PARD3: variants seen among roughly 807,000 people sequenced by gnomAD.
PARD3 encodes partitioning defective 3 homolog.
In PARD3, 75 loss-of-function variants were observed where a neutral mutation model predicts 155.4. The ratio of observed to expected loss-of-function variants is 0.48; its 90% CI spans 0.40 to 0.58. PARD3 has a LOEUF of 0.58. Among genes scored for constraint, PARD3 ranks in the 20% least tolerant of loss-of-function variants. PARD3 has a pLI of 0.00. For missense variants in PARD3, 1,642 were observed against 1,721.7 expected (o/e 0.95, Z 0.82); for synonymous variants, 576 against 610.5 (o/e 0.94, Z 0.83).
At chr10:34,243,298 T>C (rs1225397017) in intron 22 of PARD3, among the ~76,000 whole-genome samples, 2 of 152,324 alleles carry the variant, frequency 1.3e-5, no homozygotes, top group Admixed American at 6.5e-5. Context: ...AAACACTAGA[T>C]AGATGCAAAT....
intron 3 of PARD3, among the ~76,000 whole-genome samples, chr10:34,513,997 A>G (rs892743987): frequency 6.6e-5 from 10 of 152,178 alleles, no homozygotes; most frequent in Admixed American, 1.3e-4. Flanking sequence ...ATTTTCTACA[A>G]AAAAAAGCTC....
At chr10:34,531,973 C>T (rs764203624) in intron 2 of PARD3, among the ~76,000 whole-genome samples, 1 of 152,010 alleles carries the variant, frequency 6.6e-6, no homozygotes, top group Admixed American at 6.5e-5. Flanking sequence ...GCACAACACT[C>T]GAGCTCACTG....
intron 5 of PARD3, among the ~76,000 whole-genome samples, chr10:34,414,989 C>T (rs1304650557): frequency 2.0e-5 from 3 of 152,030 alleles, no homozygotes; most frequent in African/African-American, 7.2e-5. Flanking sequence ...GATTCATCTG[C>T]AGTAACCAGA....
At chr10:34,714,062 G>A (rs1285798824) in intron 1 of PARD3, among the ~76,000 whole-genome samples, 3 of 152,116 alleles carry the variant, frequency 2.0e-5, no homozygotes, top group African/African-American at 2.4e-5. Flanking sequence ...AACAAGAGAT[G>A]TTGACTCAGA....
chr10:34,782,964 A>G (rs1022483773), intron 1 of PARD3, among the ~76,000 whole-genome samples: 5 of 152,068 alleles, frequency 3.3e-5, no homozygotes, highest in African/African-American at 1.2e-4. Flanking sequence ...ACCTCAGATG[A>G]TCCACCTACC....
intron 12 of PARD3, among the ~76,000 whole-genome samples, chr10:34,365,433 T>C (rs183776231): frequency 1.4e-4 from 22 of 152,324 alleles, no homozygotes; most frequent in African/African-American, 5.3e-4. Flanking sequence ...TTTTTATGAA[T>C]TAATGTCTGC....
chr10:34,536,110 A>C lies in PARD3; in HGVS notation c.223-18951T>G, dbSNP rs12250306. Among the ~76,000 whole-genome samples the C allele has an allele frequency of 9.0e-3, 1,378 of 152,316 alleles. 13 individuals carry two copies. Among genetic ancestry groups the C allele is most frequent in the African/African-American group, 0.032 (1,314 of 41,562 alleles). On this transcript the variant is annotated intron_variant, in intron 2 of 24. Transcript: ENST00000374788. The stretch of plus-strand genomic sequence containing the variant: ...CATCACCAATTCAAAACTCTCGTTG[A>C]AAGACTTTGGTGTCTCTCCCACCAT...
In PARD3 at chr10:34,596,236, CT is replaced by C. The variant is rs397844990; in HGVS notation, c.223-79078del. Among the ~76,000 whole-genome samples, 155 of 147,580 alleles carry C rather than the reference CT, an allele frequency of 1.1e-3. 1 individual carries two copies. Among genetic ancestry groups the C allele is most frequent in the African/African-American group, 1.3e-3 (53 of 40,180 alleles). ...AATATCCATCAAATCCAAATTTTTA[CT>C]TTTTTTTTTTTAAGGAAATGTACTC... is the stretch of plus-strand genomic sequence containing the variant. On this transcript the variant is annotated intron_variant, in intron 2 of 24. Transcript: ENST00000374788.
intron 22 of PARD3, among the ~76,000 whole-genome samples, chr10:34,151,994 C>T (rs1948803799): frequency 6.6e-6 from 1 of 152,094 alleles, no homozygotes; most frequent in Admixed American, 6.5e-5. Flanking sequence ...AATGAACATG[C>T]TAATAACTAA....
chr10:34,306,274 G>A (rs1391291158), intron 20 of PARD3, among the ~76,000 whole-genome samples: 2 of 146,580 alleles, frequency 1.4e-5, no homozygotes, highest in Non-Finnish European at 3.0e-5. Flanking sequence ...GAGCAAGAAT[G>A]TCTCAAAAAA....
intron 22 of PARD3, among the ~76,000 whole-genome samples, chr10:34,171,642 C>T (rs191260810): frequency 6.6e-6 from 1 of 152,094 alleles, no homozygotes; most frequent in Admixed American, 6.5e-5. Context: ...TCTGCACAGT[C>T]CTGTATCAAG....
intron 19 of PARD3, among the ~76,000 whole-genome samples, chr10:34,324,767 ACAT>A (rs146457240): frequency 0.041 from 6,184 of 152,156 alleles, 389 homozygotes; most frequent in African/African-American, 0.14. Context: ...GAGAGAAATC[ACAT>A]CATCATCATC....
At chr10:34,764,231 A>T (rs1183164451) in intron 1 of PARD3, among the ~76,000 whole-genome samples, 1 of 152,206 alleles carries the variant, frequency 6.6e-6, no homozygotes, top group Non-Finnish European at 1.5e-5. Flanking sequence ...AAAATGGGCA[A>T]CCTAGGATTT....
At chr10:34,286,084 CTT>C (rs913591939) in intron 20 of PARD3, among the ~76,000 whole-genome samples, 2 of 152,162 alleles carry the variant, frequency 1.3e-5, no homozygotes, top group Admixed American at 6.5e-5. Context: ...AAATAAAAGA[CTT>C]TGCACTATTT....
chr10:34,604,762 A>G (rs529725105), intron 2 of PARD3, among the ~76,000 whole-genome samples: 1 of 151,958 alleles, frequency 6.6e-6, no homozygotes, highest in South Asian at 2.1e-4. Flanking sequence ...ATCTCGCTAT[A>G]CCGTCTACTG....
chr10:34,357,357 T>G (rs1838994445), intron 14 of PARD3, among the ~76,000 whole-genome samples: 2 of 152,222 alleles, frequency 1.3e-5, no homozygotes, highest in Admixed American at 6.5e-5. Context: ...GCCATCTGTC[T>G]TATTCACTGC....
chr10:34,563,114 T>C (rs1337052540), intron 2 of PARD3, among the ~76,000 whole-genome samples: 3 of 152,192 alleles, frequency 2.0e-5, no homozygotes, highest in Non-Finnish European at 4.4e-5. Flanking sequence ...TCTAATTCCA[T>C]GAATATCAGT....
At chr10:34,582,390 T>C (rs536469530) in intron 2 of PARD3, among the ~76,000 whole-genome samples, 2 of 152,276 alleles carry the variant, frequency 1.3e-5, no homozygotes, top group African/African-American at 4.8e-5. Context: ...AGAGATAATG[T>C]GAAAATTAAA....
At chr10:34,544,363 G>A (rs547788275) in intron 2 of PARD3, among the ~76,000 whole-genome samples, 2 of 152,212 alleles carry the variant, frequency 1.3e-5, no homozygotes, top group South Asian at 4.2e-4. Flanking sequence ...GGTCATTCTA[G>A]CTCTAAATTT....
Sources: gnomAD v4.1 joint callset for allele counts (sites outside exome capture counted in the v4.1 genomes callset) on GRCh38, gnomAD v4.1.1 for gene constraint, MANE v1.5 for transcripts, NCBI Gene and HGNC (gene_info 2026-07-23, HGNC 2026-07-21) for gene names.